NTPCR: variants seen among roughly 807,000 people sequenced by gnomAD.
NTPCR encodes the protein cancer-related nucleoside-triphosphatase.
NTPCR carries 15 observed loss-of-function variants against 19.5 expected under a neutral mutation model. The observed-to-expected ratio is 0.77, with a 90% CI of 0.51 to 1.18. The LOEUF is 1.18. Ranked by LOEUF, NTPCR falls within the 50% of genes most tolerant of loss-of-function variation. The pLI is 0.00. For synonymous variants in NTPCR, 90 were observed against 95.8 expected, an observed-to-expected ratio of 0.94 and a Z score of 0.36; for missense variants, 206 against 240.4, an observed-to-expected ratio of 0.86 and a Z score of 0.95.
chr1:232,968,916 CA>C (rs1054955693), intron 3 of NTPCR: 2 of 152,210 alleles, frequency 1.3e-5, no homozygotes, highest in Non-Finnish European at 2.9e-5. Flanking sequence ...AAAGTCCTGT[CA>C]GCCTTCCCCA....
At position 232,950,985 on chromosome 1, in the gene NTPCR, T is replaced by C. The variant is rs1331024900; in HGVS notation, c.34+241T>C. The C allele has an allele frequency of 1.7e-5, 8 of 464,684 alleles. No individual in the cohort carries two copies. In the East Asian group the frequency reaches 1.8e-4, roughly 11 times the overall value. The allele number at this position is 464,684 out of a possible 1,614,324, so 28.8% of individuals were successfully genotyped here. A position where few individuals can be genotyped will look rare whatever the true frequency, so the allele number is the denominator to read the frequency against. On this transcript the variant is annotated intron_variant, in intron 1 of 4. Transcript: ENST00000366628. ...TGTGAGGGGGTCCTAGACTGGCTTC[T>C]TGATGAAGGGCAGAAACCGCAGGGG...
intron 3 of NTPCR, among the ~76,000 whole-genome samples, chr1:232,961,595 T>C (rs759808170): frequency 3.3e-5 from 5 of 152,250 alleles, no homozygotes; most frequent in Non-Finnish European, 7.3e-5. Flanking sequence ...TTTTATATTA[T>C]TGATTCTGTT....
chr1:232,959,395 A>G (rs1357177023), intron 3 of NTPCR, among the ~76,000 whole-genome samples: 1 of 152,200 alleles, frequency 6.6e-6, no homozygotes, highest in Non-Finnish European at 1.5e-5. Context: ...TCTTTTGTTT[A>G]TAAATTATCC....
rs1215089582 is a variant in NTPCR at position 232,983,603 on chromosome 1, G to T, written c.*5372G>T. The T allele has an allele frequency of 1.3e-5, 2 of 152,170 alleles. No individual in the cohort carries two copies. Among genetic ancestry groups the T allele is most frequent in the Non-Finnish European group, 2.9e-5 (2 of 68,024 alleles). The allele number at this position is 152,170 out of a possible 1,614,324, so 9.4% of individuals were successfully genotyped here. On this transcript the variant is annotated 3_prime_UTR_variant, in exon 5 of 5. Transcript: ENST00000366628. ...AGGAGCATTGTGTGACTCCGCGGTG[G>T]ATTTCCATGCACCGAATGGACTCAG...
chr1:232,971,973 G>A (rs946593062), intron 4 of NTPCR, among the ~76,000 whole-genome samples: 1 of 152,214 alleles, frequency 6.6e-6, no homozygotes, highest in South Asian at 2.1e-4. Context: ...TTCTAGGCTG[G>A]AAGACCGGGA....
chr1:232,975,087 A>T (rs1010259001), intron 4 of NTPCR, among the ~76,000 whole-genome samples: 7 of 152,238 alleles, frequency 4.6e-5, no homozygotes, highest in Non-Finnish European at 1.0e-4. Context: ...TGAAAATGTT[A>T]TCAACAACTT....
chr1:232,959,881 A>G (rs776463959), intron 3 of NTPCR, among the ~76,000 whole-genome samples: 8 of 152,062 alleles, frequency 5.3e-5, no homozygotes, highest in Non-Finnish European at 7.4e-5. Flanking sequence ...TAATTAGGCC[A>G]AGCAGGGCTA....
chr1:232,952,748 A>G (rs754487050), intron 1 of NTPCR, among the ~76,000 whole-genome samples: 3 of 150,416 alleles, frequency 2.0e-5, no homozygotes, highest in Admixed American at 1.3e-4. Context: ...TTATTTGCCT[A>G]GTTTCTTTCT....
In NTPCR at chr1:232,950,656, G is replaced by C; in HGVS notation, c.-55G>C. On this transcript the variant is annotated 5_prime_UTR_variant, in exon 1 of 5. Coordinates refer to ENST00000366628, the MANE Select transcript of NTPCR (RefSeq NM_032324.3). ...CCCTGGTCCGGACCTGACCTGAATTGCGACCCCAACCTGGACTGCTCCCCT... is the reference window on the plus strand; with the variant it reads ...CCCTGGTCCGGACCTGACCTGAATTCCGACCCCAACCTGGACTGCTCCCCT... The C allele has an allele frequency of 3.4e-6, 5 of 1,472,010 alleles. No individual in the cohort carries two copies. The South Asian group carries it at 5.7e-5, about 17-fold the overall frequency. The allele number at this position is 1,472,010 out of a possible 1,614,324, so 91.2% of individuals were successfully genotyped here.
chr1:232,951,504 C>G (rs2102733421), intron 1 of NTPCR, among the ~76,000 whole-genome samples: 1 of 152,222 alleles, frequency 6.6e-6, no homozygotes, highest in South Asian at 2.1e-4. Flanking sequence ...ATGTATCAAG[C>G]ATTACTAAAA....
intron 4 of NTPCR, among the ~76,000 whole-genome samples, chr1:232,975,496 A>G (rs1669100866): frequency 6.6e-6 from 1 of 152,224 alleles, no homozygotes; most frequent in African/African-American, 2.4e-5. Context: ...AATGCCTCTT[A>G]GTATACAACT....
chr1:232,964,897 T>A (rs1022397395), intron 3 of NTPCR: 7 of 152,228 alleles, frequency 4.6e-5, no homozygotes, highest in African/African-American at 1.2e-4. Context: ...AAATTTTTTT[T>A]AATTTGGTTT....
chr1:232,970,210 A>T, intron 4 of NTPCR, 92 bp downstream of exon 4: 4 of 1,072,788 alleles, frequency 3.7e-6, no homozygotes. Flanking sequence ...GTTTTGAGTT[A>T]ACATTTTTTC....
At chr1:232,957,394 T>G (rs1668542934) in intron 3 of NTPCR, among the ~76,000 whole-genome samples, 1 of 80,934 alleles carries the variant, frequency 1.2e-5, no homozygotes, top group Non-Finnish European at 2.8e-5. Context: ...GATTTTGTAT[T>G]TTTTTGTTGA....
chr1:232,982,814 C>G lies in NTPCR; in HGVS notation c.*4583C>G, dbSNP rs997964002. On this transcript the variant is annotated 3_prime_UTR_variant, in exon 5 of 5. Transcript: ENST00000366628. ...ACCCTCCGTGGGGAGGCCACACTCACAGCTCCAGGCCTGCCATTTAGCCCT... is the reference window on the plus strand; with the variant it reads ...ACCCTCCGTGGGGAGGCCACACTCAGAGCTCCAGGCCTGCCATTTAGCCCT... 26 of 152,362 alleles carry G rather than the reference C, an allele frequency of 1.7e-4. No homozygotes were observed. The highest frequency in any genetic ancestry group is 6.3e-4 in the African/African-American group (26 of 41,596). The allele number at this position is 152,362 out of a possible 1,614,324, so 9.4% of individuals were successfully genotyped here.
At chr1:232,972,930 G>C (rs1669023250) in intron 4 of NTPCR, among the ~76,000 whole-genome samples, 1 of 152,146 alleles carries the variant, frequency 6.6e-6, no homozygotes, top group African/African-American at 2.4e-5. Context: ...TCAAAATCTA[G>C]GGGCAGGGAA....
intron 4 of NTPCR, among the ~76,000 whole-genome samples, chr1:232,970,983 G>A (rs1668959999): frequency 2.0e-5 from 3 of 152,190 alleles, no homozygotes; most frequent in South Asian, 2.1e-4. Flanking sequence ...TAGGTCCCCC[G>A]CACTTTGAGA....
At position 232,982,934 on chromosome 1, in the gene NTPCR, G is replaced by A. The variant is rs1242295136; in HGVS notation, c.*4703G>A. On this transcript the variant is annotated 3_prime_UTR_variant, in exon 5 of 5. Transcript: ENST00000366628. ...AGAGAACTGCAGCAAGGCCCTATCA[G>A]CTTCCCATTAGACAAACAACTGCAT... The A allele has an allele frequency of 6.6e-6, 1 of 152,206 alleles. No homozygotes were observed. Among genetic ancestry groups the A allele is most frequent in the Non-Finnish European group, 1.5e-5 (1 of 68,038 alleles). 9.4% of individuals were successfully genotyped at this position (152,206 alleles called of 1,614,324 possible). A position where few individuals can be genotyped will look rare whatever the true frequency, so the allele number is the denominator to read the frequency against.
intron 3 of NTPCR, chr1:232,967,465 G>T (rs1465481896): frequency 1.3e-5 from 2 of 152,228 alleles, no homozygotes; most frequent in African/African-American, 4.8e-5. Context: ...GTTTTAAAAT[G>T]AGGATTTCCA....
Sources: gnomAD v4.1 joint callset for allele counts (sites outside exome capture counted in the v4.1 genomes callset) on GRCh38, gnomAD v4.1.1 for gene constraint, MANE v1.5 for transcripts, NCBI Gene and HGNC (gene_info 2026-07-23, HGNC 2026-07-21) for gene names.